MATN2: variants seen among roughly 807,000 people sequenced by gnomAD.
MATN2 encodes matrilin 2, also known as matrilin-2.
MATN2 carries 69 observed loss-of-function variants against 103.2 expected under a neutral mutation model. That is an observed-to-expected ratio of 0.67 (90% confidence interval 0.55 to 0.82). The LOEUF (loss-of-function observed/expected upper bound fraction) is 0.82, where lower values mean the gene tolerates loss of function less well. Among genes scored for constraint, MATN2 ranks in the 40% least tolerant of loss-of-function variants. The probability of loss-of-function intolerance (pLI) is 0.00; values close to 1 mark genes in which losing one functional copy is unlikely to be tolerated. For missense variants in MATN2, 1,023 were observed against 1,211.5 expected, an observed-to-expected ratio of 0.84 and a Z score of 2.31; for synonymous variants, 429 against 450.2, an observed-to-expected ratio of 0.95 and a Z score of 0.60.
At chr8:97,944,763 G>A (rs1810690594) in intron 4 of MATN2, among the ~76,000 whole-genome samples, 1 of 152,198 alleles carries the variant, frequency 6.6e-6, no homozygotes, top group African/African-American at 2.4e-5. Flanking sequence ...TGATGAGCAG[G>A]GACCTGTGCC....
At chr8:97,924,265 A>C (rs1208336027) in intron 2 of MATN2, among the ~76,000 whole-genome samples, 1 of 152,182 alleles carries the variant, frequency 6.6e-6, no homozygotes, top group Non-Finnish European at 1.5e-5. Flanking sequence ...AAATTTCATA[A>C]TTGCAGCCTT....
intron 1 of MATN2, among the ~76,000 whole-genome samples, chr8:97,874,389 C>T (rs1817994434): frequency 7.1e-6 from 1 of 139,938 alleles, no homozygotes; most frequent in Admixed American, 7.4e-5. Context: ...TTCTGCCTTC[C>T]TCTTCTTCTT....
intron 16 of MATN2, 31 bp from the exon 17 acceptor site, chr8:98,033,011 G>C (rs1426793896): frequency 1.3e-6 from 2 of 1,592,004 alleles, no homozygotes; most frequent in African/African-American, 1.4e-5. Flanking sequence ...GCGTTAAGCA[G>C]GTTTGATTGC....
At chr8:97,958,579 A>T (rs1026338711) in intron 4 of MATN2, among the ~76,000 whole-genome samples, 1 of 152,236 alleles carries the variant, frequency 6.6e-6, no homozygotes, top group African/African-American at 2.4e-5. Flanking sequence ...TCATAGCAAG[A>T]GGTTAATTTT....
At position 97,901,548 on chromosome 8, in the gene MATN2, C is replaced by T. The variant is rs149917299; in HGVS notation, c.142+13306C>T. Among the ~76,000 whole-genome samples, 1,051 of 152,282 alleles carry T rather than the reference C, an allele frequency of 6.9e-3. 9 individuals carry two copies. Among genetic ancestry groups the T allele is most frequent in the Admixed American group, 9.0e-3 (137 of 15,302 alleles). On this transcript the variant is annotated intron_variant, in intron 2 of 18. Coordinates refer to ENST00000254898, the MANE Select transcript of MATN2 (RefSeq NM_002380.5). Reference sequence around the variant, plus strand: ...GATTACAGGCGTGAGCCACTGCACCCGGCCCTGATATACTATTTTGTTTCA... The same window carrying T: ...GATTACAGGCGTGAGCCACTGCACCTGGCCCTGATATACTATTTTGTTTCA...
intron 7 of MATN2, among the ~76,000 whole-genome samples, chr8:97,995,697 T>G (rs915269455): frequency 1.3e-5 from 2 of 152,270 alleles, no homozygotes; most frequent in African/African-American, 4.8e-5. Context: ...TGAATCCAGA[T>G]GAGTCACATT....
intron 5 of MATN2, among the ~76,000 whole-genome samples, chr8:97,965,464 G>A (rs987631088): frequency 7.2e-5 from 11 of 152,126 alleles, no homozygotes; most frequent in African/African-American, 2.2e-4. Context: ...GATTTGAGGT[G>A]CAACTGTAGG....
intron 4 of MATN2, among the ~76,000 whole-genome samples, chr8:97,947,267 G>A (rs1392091401): frequency 6.6e-6 from 1 of 152,156 alleles, no homozygotes; most frequent in African/African-American, 2.4e-5. Flanking sequence ...AATTACTCAG[G>A]AGGCTGAGGC....
intron 4 of MATN2, among the ~76,000 whole-genome samples, chr8:97,944,526 C>T (rs1356116090): frequency 3.3e-5 from 5 of 152,200 alleles, no homozygotes; most frequent in Non-Finnish European, 7.3e-5. Context: ...TCACTGTCTG[C>T]AGATCTGGGC....
At chr8:97,990,041 G>T (rs1812339209) in intron 6 of MATN2, among the ~76,000 whole-genome samples, 1 of 151,956 alleles carries the variant, frequency 6.6e-6, no homozygotes, top group Non-Finnish European at 1.5e-5. Context: ...CATTAGCCAG[G>T]CATGGTGGCA....
chr8:97,991,194 C>T (rs1262506293), intron 6 of MATN2, among the ~76,000 whole-genome samples: 1 of 152,160 alleles, frequency 6.6e-6, no homozygotes, highest in Admixed American at 6.5e-5. Flanking sequence ...CACACGTGGC[C>T]ACTGAGCACT....
At chr8:97,971,897 TAA>T (rs5893443) in intron 5 of MATN2, among the ~76,000 whole-genome samples, 25 of 148,560 alleles carry the variant, frequency 1.7e-4, no homozygotes, top group Non-Finnish European at 1.9e-4. Context: ...TTTTGCTTAT[TAA>T]AAAAAAAAAA....
Position 97,930,941 on chromosome 8 carries a change from C to A in MATN2, c.143-12C>A. The A allele has an allele frequency of 6.3e-7, 1 of 1,589,734 alleles. No individual in the cohort carries two copies. The highest frequency in any genetic ancestry group is 8.6e-7 in the Non-Finnish European group (1 of 1,165,588). The stretch of plus-strand genomic sequence containing the variant: ...TCTCTTCTAATGTATTTGACCTCTC[C>A]TCTTTCCCCAGAGAGTTCCTGTGAG... On this transcript the variant is annotated splice_polypyrimidine_tract_variant and intron_variant, in intron 2 of 18. Transcript: ENST00000254898.
chr8:98,032,483 AT>A (rs989730274), intron 16 of MATN2, among the ~76,000 whole-genome samples, 166 bp downstream of exon 16: 4 of 152,142 alleles, frequency 2.6e-5, no homozygotes, highest in African/African-American at 4.8e-5. Flanking sequence ...ATTAAGCCAT[AT>A]TTGGTAACTA....
intron 13 of MATN2, among the ~76,000 whole-genome samples, chr8:98,023,435 C>T (rs1813674606): frequency 6.6e-6 from 1 of 152,082 alleles, no homozygotes; most frequent in Admixed American, 6.6e-5. Context: ...CCTTGGGAAG[C>T]TGTGGTGGGA....
chr8:97,915,381 C>A (rs1262784293), intron 2 of MATN2, among the ~76,000 whole-genome samples: 1 of 152,184 alleles, frequency 6.6e-6, no homozygotes, highest in East Asian at 1.9e-4. Flanking sequence ...CATACTCTAT[C>A]CCTAGCACCC....
At chr8:97,929,181 G>A (rs1484889376) in intron 2 of MATN2, among the ~76,000 whole-genome samples, 1 of 152,194 alleles carries the variant, frequency 6.6e-6, no homozygotes, top group Non-Finnish European at 1.5e-5. Context: ...GAGGCGGCAA[G>A]GATGAGTTGT....
rs371684809 is a variant in MATN2 at position 98,018,108 on chromosome 8, G to A, written c.1811G>A (p.Arg604His). 53 of 1,613,742 alleles carry A rather than the reference G, an allele frequency of 3.3e-5. No homozygotes were observed. The highest frequency in any genetic ancestry group is 4.2e-5 in the Non-Finnish European group (49 of 1,179,720). Reference sequence around the variant, plus strand: ...TTCCGGCTCGCTGAGGATGGGAAACGCTGCCGAAGTAAGTAGCCTCGAGGT... The same window carrying A: ...TTCCGGCTCGCTGAGGATGGGAAACACTGCCGAAGTAAGTAGCCTCGAGGT... ...EGFRLAEDGKRCRRKDVCKST... is the reference protein window; with the variant it reads ...EGFRLAEDGKHCRRKDVCKST... Residue 604 changes from arginine to histidine, a missense_variant, in exon 12 of 19, where the codon CGC becomes CAC. Arg to His is a conservative substitution (Grantham distance 29). Transcript: ENST00000254898.
At chr8:97,988,189 T>TACACAC (rs58039452) in intron 6 of MATN2, among the ~76,000 whole-genome samples, 41 of 54,900 alleles carry the variant, frequency 7.5e-4, no homozygotes, top group African/African-American at 2.9e-3. Context: ...TATATATATA[T>TACACAC]ACACACACAC....
Sources: gnomAD v4.1 joint callset for allele counts (sites outside exome capture counted in the v4.1 genomes callset) on GRCh38, gnomAD v4.1.1 for gene constraint, MANE v1.5 for transcripts, NCBI Gene and HGNC (gene_info 2026-07-23, HGNC 2026-07-21) for gene names.